The following AKAP7 variants were observed in gnomAD, a reference collection of about 807,000 sequenced individuals.
AKAP7 encodes A-kinase anchoring protein 7, also known as A kinase (PRKA) anchor protein 7.
Under a neutral mutation model 39.5 loss-of-function variants are expected in AKAP7, and 39 were observed. That is an observed-to-expected ratio of 0.99 (90% confidence interval 0.76 to 1.29). AKAP7 has a LOEUF of 1.29. Ranked by LOEUF, AKAP7 falls within the 50% of genes most tolerant of loss-of-function variation. AKAP7 has a pLI of 0.00. For synonymous variants in AKAP7, 140 were observed against 139.1 expected (o/e 1.01, Z -0.05); for missense variants, 414 against 407.7 (o/e 1.02, Z -0.13).
upstream of AKAP7, among the ~76,000 whole-genome samples, chr6:131,135,059 A>T (rs1033131532): frequency 6.6e-6 from 1 of 152,224 alleles, no homozygotes; most frequent in Non-Finnish European, 1.5e-5. Context: ...GCAGTTTTTA[A>T]AAGTAAGGTA....
At chr6:131,233,328 A>G (rs1810785725) in intron 7 of AKAP7, among the ~76,000 whole-genome samples, 2 of 152,194 alleles carry the variant, frequency 1.3e-5, no homozygotes, top group African/African-American at 4.8e-5. Flanking sequence ...GGCAGACCTT[A>G]TTCTAATGGT....
intron 7 of AKAP7, among the ~76,000 whole-genome samples, chr6:131,224,886 G>A (rs184660944): frequency 2.6e-5 from 4 of 151,498 alleles, no homozygotes; most frequent in African/African-American, 4.8e-5. Flanking sequence ...GAGTAGCTGG[G>A]ACTACAAGTG....
chr6:131,162,501 T>C (rs1267040074), intron 3 of AKAP7, among the ~76,000 whole-genome samples: 11 of 152,182 alleles, frequency 7.2e-5, no homozygotes, highest in Admixed American at 7.2e-4. Flanking sequence ...TAAAATGAGG[T>C]GGGTGATAAT....
chr6:131,140,377 G>A (rs1314801491), intron 1 of AKAP7, among the ~76,000 whole-genome samples: 1 of 152,086 alleles, frequency 6.6e-6, no homozygotes, highest in Non-Finnish European at 1.5e-5. Flanking sequence ...CATAGCACTT[G>A]CTCTCTAATT....
chr6:131,156,147 A>G (rs1802398573), intron 2 of AKAP7, among the ~76,000 whole-genome samples: 2 of 151,972 alleles, frequency 1.3e-5, no homozygotes. Context: ...TTTTCCCAGT[A>G]CAGTACAGGT....
At position 131,180,255 on chromosome 6, in the gene AKAP7, C is replaced by T. The variant is rs568141527; in HGVS notation, c.589+10982C>T. ...TTTATCTAGTTAAGACTAACCCCTT[C>T]AGCTGTGTTCTTGGTCTGCTGGACT... is the stretch of plus-strand genomic sequence containing the variant. On this transcript the variant is annotated intron_variant, in intron 5 of 7. Coordinates refer to ENST00000431975, the MANE Select transcript of AKAP7 (RefSeq NM_016377.4). 1.1e-4 allele frequency among the ~76,000 whole-genome samples: 16 copies of T among 152,322 alleles called. No individual in the cohort carries two copies. In the South Asian group the frequency reaches 1.7e-3, roughly 16 times the overall value.
intron 5 of AKAP7, among the ~76,000 whole-genome samples, chr6:131,197,791 A>G (rs1399826755): frequency 6.6e-6 from 1 of 152,160 alleles, no homozygotes; most frequent in Non-Finnish European, 1.5e-5. Flanking sequence ...CGTGGGGGCT[A>G]CGAAGTCCGG....
At chr6:131,216,623 C>T (rs1809205697) in intron 6 of AKAP7, among the ~76,000 whole-genome samples, 1 of 152,178 alleles carries the variant, frequency 6.6e-6, no homozygotes, top group Non-Finnish European at 1.5e-5. Flanking sequence ...AAACTTCAGT[C>T]ATTTCTAATG....
intron 7 of AKAP7, among the ~76,000 whole-genome samples, chr6:131,255,067 A>C (rs565870095): frequency 3.3e-5 from 5 of 152,268 alleles, no homozygotes; most frequent in Admixed American, 2.6e-4. Flanking sequence ...CCAATTACCT[A>C]GAAGTCATCC....
At position 131,281,803 on chromosome 6, in the gene AKAP7, G is replaced by A. The variant is rs1815221455; in HGVS notation, c.*77G>A. The A allele has an allele frequency of 1.4e-6, 2 of 1,398,032 alleles. No homozygotes were observed. Among genetic ancestry groups the A allele is most frequent in the Non-Finnish European group, 1.9e-6 (2 of 1,071,082 alleles). 86.6% of individuals were successfully genotyped at this position (1,398,032 alleles called of 1,614,324 possible). On this transcript the variant is annotated 3_prime_UTR_variant, in exon 8 of 8. Coordinates refer to ENST00000431975, the MANE Select transcript of AKAP7 (RefSeq NM_016377.4). The surrounding 1 kb of genome is among the most constrained non-coding windows in gnomAD (Gnocchi z 4.0). ...TGCTGAGTCTAGGGACTGACTTGCAGCGTGCTGTTTAAGTTAAGTTTCTCT... is the reference window on the plus strand; with the variant it reads ...TGCTGAGTCTAGGGACTGACTTGCAACGTGCTGTTTAAGTTAAGTTTCTCT...
At chr6:131,128,882 TATC>T in the AKAP7 span, among the ~76,000 whole-genome samples, 2 of 151,814 alleles carry the variant, frequency 1.3e-5, no homozygotes, top group African/African-American at 4.8e-5. Flanking sequence ...AAAATGTACT[TATC>T]ATAGAATTAT....
intron 7 of AKAP7, among the ~76,000 whole-genome samples, chr6:131,241,363 C>T (rs907263240): frequency 3.3e-5 from 5 of 151,892 alleles, no homozygotes; most frequent in African/African-American, 9.7e-5. Flanking sequence ...ATAGATTTTG[C>T]AAAACAGAAG....
chr6:131,273,940 C>CTTTTTTT (rs1161809027), intron 7 of AKAP7, among the ~76,000 whole-genome samples: 2 of 130,318 alleles, frequency 1.5e-5, no homozygotes, highest in Non-Finnish European at 1.7e-5. Context: ...GTTGCCTTTT[C>CTTTTTTT]TTTTTTTTTT....
At chr6:131,131,969 A>G (rs1006006450), upstream of AKAP7, among the ~76,000 whole-genome samples, 5 of 152,140 alleles carry the variant, frequency 3.3e-5, no homozygotes, top group South Asian at 2.1e-4. Context: ...AAAAATCCCT[A>G]TAGGATGTTT....
chr6:131,205,811 C>T (rs1585086149), intron 6 of AKAP7, among the ~76,000 whole-genome samples: 2 of 152,232 alleles, frequency 1.3e-5, no homozygotes, highest in African/African-American at 2.4e-5. Context: ...GAATCATTAT[C>T]ATTGTATTCT....
chr6:131,183,806 A>C (rs1419720663), intron 5 of AKAP7, among the ~76,000 whole-genome samples: 1 of 151,964 alleles, frequency 6.6e-6, no homozygotes, highest in African/African-American at 2.4e-5. Flanking sequence ...GCAGAGAGCC[A>C]CTCTGGAGGA....
chr6:131,154,598 A>T (rs1301852556), intron 2 of AKAP7, among the ~76,000 whole-genome samples: 1 of 151,932 alleles, frequency 6.6e-6, no homozygotes, highest in Non-Finnish European at 1.5e-5. Context: ...TAGATCCCAG[A>T]CATATTACTT....
chr6:131,240,036 T>A (rs1243143973), intron 7 of AKAP7, among the ~76,000 whole-genome samples: 1 of 152,142 alleles, frequency 6.6e-6, no homozygotes. Context: ...ATCTTTGTGG[T>A]TTTATCTACC....
chr6:131,250,561 C>A (rs1812365926), intron 7 of AKAP7: 1 of 1,614,004 alleles, frequency 6.2e-7, no homozygotes. Context: ...CAGACAGGAC[C>A]AGTGCCATGG....
Sources: allele counts gnomAD v4.1 joint callset (sites outside exome capture counted in the v4.1 genomes callset), GRCh38; gene constraint gnomAD v4.1.1; non-coding constraint Gnocchi (gnomAD v3.1); transcripts MANE v1.5; gene names NCBI Gene and HGNC (gene_info 2026-07-23, HGNC 2026-07-21).